CEMIP: variants seen among roughly 807,000 people sequenced by gnomAD.
CEMIP encodes cell migration-inducing and hyaluronan-binding protein.
A neutral mutation model predicts 156.9 loss-of-function variants in CEMIP; 105 were observed. The ratio of observed to expected loss-of-function variants is 0.67; its 90% CI spans 0.57 to 0.79. CEMIP has a LOEUF of 0.79. Among genes scored for constraint, CEMIP ranks in the 30% least tolerant of loss-of-function variants. The pLI is 0.00. For synonymous variants in CEMIP, 676 were observed against 668.4 expected, an observed-to-expected ratio of 1.01 and a Z score of -0.17; for missense variants, 1,457 against 1,769.4, an observed-to-expected ratio of 0.82 and a Z score of 3.17.
rs905343737 is a variant in CEMIP, at chr15:80,832,330, G to C, written c.-175-41208G>C. On this transcript the variant is annotated intron_variant, in intron 1 of 29. Transcript: ENST00000394685. ...TTGGTTTAAAATAAACTCTGTGTGT[G>C]TGTGTGTGTGTGTGTGTGTGTGTGT... Among the ~76,000 whole-genome samples, 73 of 146,226 alleles carry C rather than the reference G, an allele frequency of 5.0e-4. 2 individuals carry two copies. In the South Asian group the frequency reaches 0.012, roughly 25 times the overall value.
Position 80,941,870 on chromosome 15 carries a change from A to C in CEMIP, c.3429A>C (p.Lys1143Asn), listed in dbSNP as rs1379038708. The C allele has an allele frequency of 1.3e-5, 21 of 1,613,766 alleles. No individual in the cohort carries two copies. The highest frequency in any genetic ancestry group is 1.8e-5 in the Non-Finnish European group (21 of 1,179,992). Residue 1143 changes from lysine (K) to asparagine (N), a missense_variant, in exon 26 of 30, where the codon AAA becomes AAC. Physicochemically the swap from Lys to Asn is moderately conservative, Grantham distance 94. Coordinates refer to ENST00000394685, the MANE Select transcript of CEMIP (RefSeq NM_001293298.2). ...GCAGGCTGTTGTTCCTGAAGCTGAA[A>C]GCTCAGAACGAGAGAGAGAAGTTTG... ...EDSGLLFLKL[K>N]AQNEREKFAF...
At chr15:80,924,228 C>T (rs1900574325) in intron 17 of CEMIP, among the ~76,000 whole-genome samples, 1 of 152,196 alleles carries the variant, frequency 6.6e-6, no homozygotes, top group Non-Finnish European at 1.5e-5. Context: ...GACTTAGGTT[C>T]AGCATTTCCT....
intron 5 of CEMIP, among the ~76,000 whole-genome samples, chr15:80,880,593 G>A (rs554462646): frequency 2.0e-5 from 3 of 152,194 alleles, no homozygotes; most frequent in Non-Finnish European, 2.9e-5. Context: ...GTTCCACCAC[G>A]CCTGGCTGAT....
chr15:80,870,462 C>T (rs576560430), intron 1 of CEMIP, among the ~76,000 whole-genome samples: 19 of 152,300 alleles, frequency 1.2e-4, no homozygotes, highest in African/African-American at 3.4e-4. Context: ...GTGGGAGTGC[C>T]GTTGCTCTGC....
chr15:80,802,298 A>T (rs1457844033), intron 1 of CEMIP, among the ~76,000 whole-genome samples: 1 of 152,246 alleles, frequency 6.6e-6, no homozygotes, highest in Non-Finnish European at 1.5e-5. Context: ...TCATGGCTGC[A>T]TGTCCTGAAG....
rs1224992783 is a variant in CEMIP, at chr15:80,932,895, C to T, written c.2794-350C>T. On this transcript the variant is annotated intron_variant, in intron 22 of 29. Coordinates refer to ENST00000394685, the MANE Select transcript of CEMIP (RefSeq NM_001293298.2). The surrounding 1 kb of genome is among the most constrained non-coding windows in gnomAD (Gnocchi z 4.5). ...TCATACACACATCACCCCCACCTCC[C>T]TCTCACACACAGTCACACTCACAGT... 1.3e-5 allele frequency among the ~76,000 whole-genome samples: 2 copies of T among 152,212 alleles called. No homozygotes were observed. Among genetic ancestry groups the T allele is most frequent in the Non-Finnish European group, 2.9e-5 (2 of 68,042 alleles).
At position 80,926,819 on chromosome 15, in the gene CEMIP, T is replaced by TC. The variant is rs1555436824; in HGVS notation, c.2420+1064_2420+1065insC. Among the ~76,000 whole-genome samples the TC allele has an allele frequency of 0.015, 346 of 23,296 alleles. 11 individuals carry two copies. The East Asian group carries it at 0.21, about 14-fold the overall frequency. The allele number at this position is 23,296 out of a possible 152,430, so 15.3% of individuals were successfully genotyped here. A position where few individuals can be genotyped will look rare whatever the true frequency, so the allele number is the denominator to read the frequency against. Reference sequence around the variant, plus strand: ...AACAGAGGCAGAGAGACTGAGCGGGTGGGGGGGGGGGGTCTTCTTTTTTTT... The same window carrying TC: ...AACAGAGGCAGAGAGACTGAGCGGGTCGGGGGGGGGGGGTCTTCTTTTTTTT... On this transcript the variant is annotated intron_variant, in intron 19 of 29. Transcript: ENST00000394685.
At chr15:80,875,100 C>T (rs991446555) in intron 3 of CEMIP, among the ~76,000 whole-genome samples, 2 of 122,726 alleles carry the variant, frequency 1.6e-5, no homozygotes, top group African/African-American at 3.2e-5. Flanking sequence ...GTGATATGAT[C>T]GTGGTTCACT....
At chr15:80,810,480 G>A (rs892210643) in intron 1 of CEMIP, among the ~76,000 whole-genome samples, 1 of 152,206 alleles carries the variant, frequency 6.6e-6, no homozygotes, top group Admixed American at 6.5e-5. Flanking sequence ...CCATTCTCTT[G>A]CCTTAGCCTC....
At chr15:80,809,847 C>T (rs956553845) in intron 1 of CEMIP, among the ~76,000 whole-genome samples, 11 of 152,198 alleles carry the variant, frequency 7.2e-5, no homozygotes, top group African/African-American at 2.7e-4. Context: ...GTCTTCAAGC[C>T]AACAATTGTG....
rs1596182674 is a variant in CEMIP at position 80,909,240 on chromosome 15, C to A, written c.1731C>A (p.Ile577=). 1 of 1,613,994 alleles carries A rather than the reference C, an allele frequency of 6.2e-7. No homozygotes were observed. The highest frequency in any genetic ancestry group is 1.7e-5 in the Admixed American group (1 of 60,008). ...ERGGYDPPTY[I]RDLSIHHTFS... is the part of the protein sequence containing the mutation. ...GAGGTTATGACCCACCCACATACAT[C>A]AGGGACCTCTCCATCCATCATACAT... The change falls in exon 14 of 30, where the codon ATC becomes ATA. Residue 577 remains isoleucine, a synonymous_variant. Transcript: ENST00000394685.
At chr15:80,892,753 C>T (rs1036593867) in intron 10 of CEMIP, among the ~76,000 whole-genome samples, 1 of 152,204 alleles carries the variant, frequency 6.6e-6, no homozygotes, top group Non-Finnish European at 1.5e-5. Flanking sequence ...GGGTACCTCA[C>T]TCACAGTCTT....
chr15:80,892,585 C>T (rs1899067326), intron 10 of CEMIP, among the ~76,000 whole-genome samples: 1 of 152,184 alleles, frequency 6.6e-6, no homozygotes, highest in Admixed American at 6.5e-5. Flanking sequence ...AAAACATATT[C>T]TGAAGCCAGA....
intron 19 of CEMIP, among the ~76,000 whole-genome samples, chr15:80,926,245 CA>C (rs1472435854): frequency 6.6e-6 from 1 of 152,212 alleles, no homozygotes; most frequent in Non-Finnish European, 1.5e-5. Flanking sequence ...CTTGGAGCCA[CA>C]GTTCACTGGA....
At chr15:80,904,205 A>G (rs1899693088) in intron 12 of CEMIP, among the ~76,000 whole-genome samples, 1 of 152,184 alleles carries the variant, frequency 6.6e-6, no homozygotes, top group African/African-American at 2.4e-5. Context: ...TAAGATTATT[A>G]TTACTTAAAG....
chr15:80,840,425 A>G (rs2011744), intron 1 of CEMIP, among the ~76,000 whole-genome samples: 24,159 of 151,966 alleles, frequency 0.16, 2,372 homozygotes, highest in East Asian at 0.52. Flanking sequence ...GCCCACGGGT[A>G]ATGCCTTTCT....
chr15:80,893,214 GAAATA>G (rs772853896), intron 10 of CEMIP, among the ~76,000 whole-genome samples: 31 of 150,092 alleles, frequency 2.1e-4, no homozygotes, highest in Admixed American at 2.6e-4. Context: ...GAAATGAAAT[GAAATA>G]AAATAAAATA....
At chr15:80,806,708 A>G (rs1163731476) in intron 1 of CEMIP, among the ~76,000 whole-genome samples, 1 of 152,218 alleles carries the variant, frequency 6.6e-6, no homozygotes, top group Non-Finnish European at 1.5e-5. Flanking sequence ...TAAGCTCCAG[A>G]AGAAAAATAA....
rs188292434 is a variant in CEMIP at position 80,833,509 on chromosome 15, G to A, written c.-175-40029G>A. Among the ~76,000 whole-genome samples the A allele has an allele frequency of 3.3e-5, 5 of 152,232 alleles. No homozygotes were observed. In the East Asian group the frequency reaches 9.7e-4, roughly 29 times the overall value. Reference sequence around the variant, plus strand: ...GGAATCAGGTTATATCCAAACAGGTGATTTTTCTGAGAACCAAGCAACTCA... The same window carrying A: ...GGAATCAGGTTATATCCAAACAGGTAATTTTTCTGAGAACCAAGCAACTCA... On this transcript the variant is annotated intron_variant, in intron 1 of 29. Transcript: ENST00000394685.
Sources: gnomAD v4.1 joint callset for allele counts (sites outside exome capture counted in the v4.1 genomes callset) on GRCh38, gnomAD v4.1.1 for gene constraint, Gnocchi (gnomAD v3.1) non-coding constraint, MANE v1.5 for transcripts, NCBI Gene and HGNC (gene_info 2026-07-23, HGNC 2026-07-21) for gene names.